FAM241A: variants seen among roughly 807,000 people sequenced by gnomAD.
FAM241A encodes the protein uncharacterized protein FAM241A.
In FAM241A, 7 loss-of-function variants were observed where a neutral mutation model predicts 12.2. The ratio of observed to expected loss-of-function variants is 0.58; its 90% CI spans 0.33 to 1.08. The LOEUF (loss-of-function observed/expected upper bound fraction) is 1.08, where lower values mean the gene tolerates loss of function less well. FAM241A is among the 50% of genes least tolerant of loss of function. The pLI, the probability that FAM241A is intolerant of heterozygous loss-of-function variation, is 0.04. For missense variants in FAM241A, 161 were observed against 169.7 expected (o/e 0.95, Z 0.29); for synonymous variants, 74 against 68.2 (o/e 1.08, Z -0.42).
chr4:112,179,614 G>A (rs902211319), intron 1 of FAM241A, among the ~76,000 whole-genome samples: 3 of 151,718 alleles, frequency 2.0e-5, no homozygotes, highest in African/African-American at 7.3e-5. Context: ...TGTAAATGAC[G>A]AGTTAATGGG....
intron 1 of FAM241A, among the ~76,000 whole-genome samples, chr4:112,159,221 G>C (rs1213865819): frequency 6.6e-6 from 1 of 152,174 alleles, no homozygotes; most frequent in Non-Finnish European, 1.5e-5. Context: ...GTAGAGTAAA[G>C]CAATTTAAGT....
chr4:112,170,227 T>C (rs1246557696), intron 1 of FAM241A, among the ~76,000 whole-genome samples: 1 of 152,196 alleles, frequency 6.6e-6, no homozygotes, highest in Non-Finnish European at 1.5e-5. Context: ...TTGTTCTTTG[T>C]TTTTAGTTAT....
In FAM241A at chr4:112,188,419, A is replaced by G. The variant is rs566043816; in HGVS notation, c.*1481A>G. On this transcript the variant is annotated 3_prime_UTR_variant, in exon 2 of 2. Coordinates refer to ENST00000309733, the MANE Select transcript of FAM241A (RefSeq NM_152400.3). ...ACATTTAACTTAGTTTTCTAAAATCAGATAATCCTAAACAAAAATGTTAGT... is the reference window on the plus strand; with the variant it reads ...ACATTTAACTTAGTTTTCTAAAATCGGATAATCCTAAACAAAAATGTTAGT... 3 of 152,336 alleles carry G rather than the reference A, an allele frequency of 2.0e-5. No homozygotes were observed. The East Asian group carries it at 5.8e-4, about 29-fold the overall frequency. The allele number at this position is 152,336 out of a possible 1,614,324, so 9.4% of individuals were successfully genotyped here.
At chr4:112,177,998 A>G (rs1723857066) in intron 1 of FAM241A, among the ~76,000 whole-genome samples, 1 of 152,078 alleles carries the variant, frequency 6.6e-6, no homozygotes. Flanking sequence ...CCTTCAGCAA[A>G]TACTTATTAT....
At chr4:112,150,737 CT>C (rs1723230688) in intron 1 of FAM241A, among the ~76,000 whole-genome samples, 1 of 152,188 alleles carries the variant, frequency 6.6e-6, no homozygotes, top group Admixed American at 6.5e-5. Context: ...CTGGGTTTGC[CT>C]TTTATTGACT....
At chr4:112,170,065 C>A (rs1723684464) in intron 1 of FAM241A, among the ~76,000 whole-genome samples, 1 of 152,120 alleles carries the variant, frequency 6.6e-6, no homozygotes, top group Non-Finnish European at 1.5e-5. Context: ...AGTCTAAAAT[C>A]CCTCTGAGAC....
In FAM241A at chr4:112,195,187, C is replaced by T. The variant is rs1266778377; in HGVS notation, c.*8249C>T. The T allele has an allele frequency of 6.6e-6, 1 of 152,152 alleles. No individual in the cohort carries two copies. Among genetic ancestry groups the T allele is most frequent in the Non-Finnish European group, 1.5e-5 (1 of 68,036 alleles). The allele number at this position is 152,152 out of a possible 1,614,324, so 9.4% of individuals were successfully genotyped here. The stretch of plus-strand genomic sequence containing the variant: ...ATCCACTATTACAGTGTCCTAGTAG[C>T]CCAGACATATGTGTTAAATGACATG... On this transcript the variant is annotated 3_prime_UTR_variant, in exon 2 of 2. Transcript: ENST00000309733.
intron 1 of FAM241A, among the ~76,000 whole-genome samples, chr4:112,185,666 G>T (rs1724023529): frequency 6.6e-6 from 1 of 152,172 alleles, no homozygotes; most frequent in African/African-American, 2.4e-5. Context: ...TGATTTCTCT[G>T]AGTTCAGAGG....
At chr4:112,172,709 T>C (rs1284271717) in intron 1 of FAM241A, among the ~76,000 whole-genome samples, 1 of 152,240 alleles carries the variant, frequency 6.6e-6, no homozygotes, top group Non-Finnish European at 1.5e-5. Context: ...GATGTAATAT[T>C]ACTTATCTAA....
chr4:112,181,567 A>G (rs1392827110), intron 1 of FAM241A, among the ~76,000 whole-genome samples: 1 of 152,258 alleles, frequency 6.6e-6, no homozygotes. Flanking sequence ...TAATCAAATA[A>G]TGACACACAT....
intron 1 of FAM241A, among the ~76,000 whole-genome samples, chr4:112,172,799 C>G (rs997557013): frequency 5.3e-5 from 8 of 152,108 alleles, no homozygotes; most frequent in Non-Finnish European, 1.0e-4. Context: ...AAATGTTATG[C>G]TGAATATAAA....
intron 1 of FAM241A, among the ~76,000 whole-genome samples, chr4:112,182,796 C>A (rs890798796): frequency 2.0e-5 from 3 of 152,130 alleles, no homozygotes; most frequent in African/African-American, 7.2e-5. Context: ...CTTCCCCCAA[C>A]CCCCAACAAA....
In FAM241A at chr4:112,193,777, A is replaced by G. The variant is rs1452999712; in HGVS notation, c.*6839A>G. 1 of 152,020 alleles carries G rather than the reference A, an allele frequency of 6.6e-6. No homozygotes were observed. Among genetic ancestry groups the G allele is most frequent in the Non-Finnish European group, 1.5e-5 (1 of 68,024 alleles). 9.4% of individuals were successfully genotyped at this position (152,020 alleles called of 1,614,324 possible). A position where few individuals can be genotyped will look rare whatever the true frequency, so the allele number is the denominator to read the frequency against. ...CTTGTAGTATAGTTTGAAGTCAGGT[A>G]GCATGATGCCTCCAGCTTTGTTCTT... is the stretch of plus-strand genomic sequence containing the variant. On this transcript the variant is annotated 3_prime_UTR_variant, in exon 2 of 2. Coordinates refer to ENST00000309733, the MANE Select transcript of FAM241A (RefSeq NM_152400.3).
intron 1 of FAM241A, among the ~76,000 whole-genome samples, chr4:112,172,085 T>A (rs1202643909): frequency 6.6e-6 from 1 of 152,200 alleles, no homozygotes; most frequent in African/African-American, 2.4e-5. Flanking sequence ...CCTGAATGTG[T>A]CTAGATTCCA....
In FAM241A at chr4:112,185,257, G is replaced by A. The variant is rs184455164; in HGVS notation, c.154-1436G>A. Reference sequence around the variant, plus strand: ...CTAGGGTCTGGGGCGGTGGGGAGGGGGAGAGAAACTATACCAATTATTTTA... The same window carrying A: ...CTAGGGTCTGGGGCGGTGGGGAGGGAGAGAGAAACTATACCAATTATTTTA... On this transcript the variant is annotated intron_variant, in intron 1 of 1. Transcript: ENST00000309733. 4.5e-3 allele frequency among the ~76,000 whole-genome samples: 691 copies of A among 152,102 alleles called. 8 individuals are homozygous for A. The highest frequency in any genetic ancestry group is 0.016 in the African/African-American group (646 of 41,472).
intron 1 of FAM241A, among the ~76,000 whole-genome samples, chr4:112,170,666 G>T (rs923971657): frequency 2.0e-5 from 3 of 151,922 alleles, no homozygotes; most frequent in African/African-American, 7.3e-5. Context: ...TACTCAAAAT[G>T]GCCCACAATT....
Position 112,194,567 on chromosome 4 carries a change from G to T in FAM241A, c.*7629G>T, listed in dbSNP as rs1724230420. The T allele has an allele frequency of 6.6e-6, 1 of 152,080 alleles. No individual in the cohort carries two copies. The highest frequency in any genetic ancestry group is 1.5e-5 in the Non-Finnish European group (1 of 68,018). 9.4% of individuals were successfully genotyped at this position (152,080 alleles called of 1,614,324 possible). A position where few individuals can be genotyped will look rare whatever the true frequency, so the allele number is the denominator to read the frequency against. On this transcript the variant is annotated 3_prime_UTR_variant, in exon 2 of 2. Transcript: ENST00000309733. ...AGAGTTTTTAGCATGAAGCGTTGTT[G>T]AATTTTGTCAAAGGCCTTTTCTGCA...
chr4:112,159,732 A>C lies in FAM241A; in HGVS notation c.153+13999A>C, dbSNP rs565287766. On this transcript the variant is annotated intron_variant, in intron 1 of 1. Transcript: ENST00000309733. ...ATTTGATAAAATTCAACATCCCTTC[A>C]TGATTAAAAAACACTAAAAAACTGG... Among the ~76,000 whole-genome samples, 11 of 152,382 alleles carry C rather than the reference A, an allele frequency of 7.2e-5. 1 individual carries two copies. In the South Asian group the frequency reaches 2.3e-3, roughly 32 times the overall value.
intron 1 of FAM241A, 55 bp downstream of exon 1, chr4:112,145,788 G>T: frequency 9.2e-7 from 1 of 1,089,120 alleles, no homozygotes; most frequent in Non-Finnish European, 1.1e-6. Context: ...CGCGAGCCCC[G>T]CCCGGCGTTG....
Sources: allele counts gnomAD v4.1 joint callset (sites outside exome capture counted in the v4.1 genomes callset), GRCh38; gene constraint gnomAD v4.1.1; transcripts MANE v1.5; gene names NCBI Gene and HGNC (gene_info 2026-07-23, HGNC 2026-07-21).